FAM20B: variants seen among roughly 807,000 people sequenced by gnomAD.
The protein encoded by FAM20B is glycosaminoglycan xylosylkinase.
Under a neutral mutation model 43.8 loss-of-function variants are expected in FAM20B, and 23 were observed. The observed-to-expected ratio is 0.53, with a 90% CI of 0.38 to 0.74. The LOEUF (loss-of-function observed/expected upper bound fraction) is 0.74, where lower values mean the gene tolerates loss of function less well. Among genes scored for constraint, FAM20B ranks in the 30% least tolerant of loss-of-function variants. FAM20B has a pLI of 0.00. For synonymous variants in FAM20B, 178 were observed against 192.4 expected (o/e 0.93, Z 0.62); for missense variants, 440 against 510.5 (o/e 0.86, Z 1.33).
chr1:179,032,837 C>G (rs1478541482), intron 1 of FAM20B, among the ~76,000 whole-genome samples: 1 of 152,142 alleles, frequency 6.6e-6, no homozygotes, highest in Non-Finnish European at 1.5e-5. Context: ...CCAGGGTACT[C>G]AGCATTTACT....
At position 179,066,875 on chromosome 1, in the gene FAM20B, C is replaced by T. The variant is rs375063017; in HGVS notation, c.998+16C>T. The T allele has an allele frequency of 6.4e-6, 10 of 1,563,554 alleles. No individual in the cohort carries two copies. The highest frequency in any genetic ancestry group is 8.8e-6 in the Non-Finnish European group (10 of 1,134,024). On this transcript the variant is annotated intron_variant, in intron 7 of 7. Coordinates refer to ENST00000263733, the MANE Select transcript of FAM20B (RefSeq NM_014864.4). ...AGTGTTGCATGTAAGTTATGCACAG[C>T]AAATACATGTGCCTGCATTGCCTTC...
intron 3 of FAM20B, 21 bp from the exon 4 acceptor site, chr1:179,054,508 T>C: frequency 6.7e-7 from 1 of 1,499,044 alleles, no homozygotes; most frequent in Non-Finnish European, 9.3e-7. Flanking sequence ...TTCTCTTCTG[T>C]TCTTCAATCT....
upstream of FAM20B, among the ~76,000 whole-genome samples, chr1:179,023,917 G>T (rs574508691): frequency 1.3e-5 from 2 of 152,150 alleles, no homozygotes; most frequent in South Asian, 4.1e-4. Flanking sequence ...AGAATATATT[G>T]ACTGTTGATT....
chr1:179,066,814 C>T lies in FAM20B; in HGVS notation c.953C>T (p.Ser318Leu), dbSNP rs752917401. The change falls in exon 7 of 8, where the codon TCG (serine) becomes TTG (leucine). Residue 318 changes from serine to leucine, a missense_variant. By Grantham distance (145) the Ser-to-Leu change is moderately radical. Coordinates refer to ENST00000263733, the MANE Select transcript of FAM20B (RefSeq NM_014864.4). ...TTAATTTTCAGCTTTGGGAACCCCT[C>T]GCTGGATGAAAGAAGCATTCTTGCC... ...LDNAKSFGNP[S>L]LDERSILAPL... 12 of 1,611,970 alleles carry T rather than the reference C, an allele frequency of 7.4e-6. No homozygotes were observed. The highest frequency in any genetic ancestry group is 4.5e-5 in the East Asian group (2 of 44,886).
intron 1 of FAM20B, among the ~76,000 whole-genome samples, chr1:179,028,900 GAAA>G (rs200770380): frequency 2.0e-5 from 3 of 150,846 alleles, no homozygotes; most frequent in Admixed American, 6.6e-5. Flanking sequence ...TTTGTCAAAA[GAAA>G]AAAAAAGCGT....
At chr1:179,045,184 G>A (rs1350011274) in intron 2 of FAM20B, among the ~76,000 whole-genome samples, 1 of 152,150 alleles carries the variant, frequency 6.6e-6, no homozygotes, top group Non-Finnish European at 1.5e-5. Context: ...ACACAAGACA[G>A]CTTGGAGGGT....
chr1:179,062,805 C>T (rs1350868753), intron 4 of FAM20B, among the ~76,000 whole-genome samples: 1 of 152,172 alleles, frequency 6.6e-6, no homozygotes, highest in African/African-American at 2.4e-5. Flanking sequence ...GTTACTGTTA[C>T]ACTCAGTCTG....
intron 3 of FAM20B, among the ~76,000 whole-genome samples, chr1:179,052,611 T>G (rs6425517): frequency 6.6e-6 from 1 of 151,778 alleles, no homozygotes; most frequent in Non-Finnish European, 1.5e-5. Flanking sequence ...TTCAAAGATA[T>G]ATATACAACA....
upstream of FAM20B, among the ~76,000 whole-genome samples, chr1:179,022,484 A>G (rs1193475167): frequency 6.6e-6 from 1 of 152,312 alleles, no homozygotes; most frequent in African/African-American, 2.4e-5. Flanking sequence ...GTATGCATAT[A>G]TATTTTGCCT....
intron 2 of FAM20B, among the ~76,000 whole-genome samples, chr1:179,048,408 C>T (rs1477764396): frequency 2.0e-5 from 3 of 152,186 alleles, no homozygotes; most frequent in Non-Finnish European, 4.4e-5. Context: ...CTTTTCCTCT[C>T]CTGCCCACTC....
rs1478063025 is a variant in FAM20B, at chr1:179,072,206, C to T, written c.*62C>T. On this transcript the variant is annotated 3_prime_UTR_variant, in exon 8 of 8. Transcript: ENST00000263733. ...AGATAGAGAAACAGCACAATCAATT[C>T]CAAATGGTATGAGATGGATTGGAAG... 1.2e-5 allele frequency: 16 copies of T among 1,328,698 alleles called. No individual in the cohort carries two copies. Among genetic ancestry groups the T allele is most frequent in the Middle Eastern group, 1.8e-4 (1 of 5,548 alleles). 82.3% of individuals were successfully genotyped at this position (1,328,698 alleles called of 1,614,324 possible).
At chr1:179,042,174 G>A (rs531483457) in intron 1 of FAM20B, among the ~76,000 whole-genome samples, 60 of 152,306 alleles carry the variant, frequency 3.9e-4, no homozygotes, top group East Asian at 7.7e-4. Flanking sequence ...CTTGCAGGCC[G>A]TGCTCAGCTC....
At chr1:179,050,230 T>C (rs1650947197) in intron 2 of FAM20B, 49 bp from the exon 3 acceptor site, 1 of 1,309,998 alleles carries the variant, frequency 7.6e-7, no homozygotes, top group Non-Finnish European at 1.1e-6. Flanking sequence ...CTGTCACCTG[T>C]TACTGGTGTA....
At chr1:179,056,441 A>T (rs1651223370) in intron 4 of FAM20B, among the ~76,000 whole-genome samples, 1 of 152,162 alleles carries the variant, frequency 6.6e-6, no homozygotes, top group African/African-American at 2.4e-5. Flanking sequence ...CACATTTAAG[A>T]TTCCTCCATG....
intron 6 of FAM20B, among the ~76,000 whole-genome samples, chr1:179,065,270 C>G (rs1432375660): frequency 6.6e-6 from 1 of 151,968 alleles, no homozygotes; most frequent in Non-Finnish European, 1.5e-5. Context: ...CCACCCTCAG[C>G]CTCCTGAGTA....
chr1:179,031,495 A>T (rs1352237774), intron 1 of FAM20B, among the ~76,000 whole-genome samples: 1 of 152,220 alleles, frequency 6.6e-6, no homozygotes, highest in African/African-American at 2.4e-5. Context: ...CAGTTCACTT[A>T]TTGAAATTAT....
In FAM20B at chr1:179,073,068, G is replaced by T. The variant is rs1651995072; in HGVS notation, c.*924G>T. 1 of 152,200 alleles carries T rather than the reference G, an allele frequency of 6.6e-6. No homozygotes were observed. Among genetic ancestry groups the T allele is most frequent in the African/African-American group, 2.4e-5 (1 of 41,454 alleles). The allele number at this position is 152,200 out of a possible 1,614,324, so 9.4% of individuals were successfully genotyped here. ...GAAATAATACCTTGAATAACAGGTTGCCTGTGGTCTCTGTCATCCTCGTTT... is the reference window on the plus strand; with the variant it reads ...GAAATAATACCTTGAATAACAGGTTTCCTGTGGTCTCTGTCATCCTCGTTT... On this transcript the variant is annotated 3_prime_UTR_variant, in exon 8 of 8. Coordinates refer to ENST00000263733, the MANE Select transcript of FAM20B (RefSeq NM_014864.4).
rs77921904 is a variant in FAM20B at position 179,065,916 on chromosome 1, T to C, written c.939-884T>C. On this transcript the variant is annotated intron_variant, in intron 6 of 7. Transcript: ENST00000263733. ...GAGGGCCTGTTTCTCAGATGGTGCCTTCTATGTGTCCTCATATGGCAGAAG... is the reference window on the plus strand; with the variant it reads ...GAGGGCCTGTTTCTCAGATGGTGCCCTCTATGTGTCCTCATATGGCAGAAG... 8.0e-3 allele frequency among the ~76,000 whole-genome samples: 1,219 copies of C among 152,288 alleles called. 16 individuals carry two copies. Among genetic ancestry groups the C allele is most frequent in the African/African-American group, 0.028 (1,152 of 41,554 alleles).
chr1:179,041,671 G>GGAGGGA (rs71108086), intron 1 of FAM20B, among the ~76,000 whole-genome samples: 65,599 of 140,160 alleles, frequency 0.47, 16,372 homozygotes, highest in African/African-American at 0.58. Flanking sequence ...TGGGAGACAG[G>GGAGGGA]GAGGGAGAGG....
Sources: allele counts gnomAD v4.1 joint callset (sites outside exome capture counted in the v4.1 genomes callset), GRCh38; gene constraint gnomAD v4.1.1; transcripts MANE v1.5; gene names NCBI Gene and HGNC (gene_info 2026-07-23, HGNC 2026-07-21).